Variants in NCKAP1L observed in about 807,000 individuals in gnomAD.
The protein encoded by NCKAP1L is NCK associated protein 1 like, also known as nck-associated protein 1-like.
In NCKAP1L, 53 loss-of-function variants were observed where a neutral mutation model predicts 139.2. That is an observed-to-expected ratio of 0.38 (90% CI 0.31 to 0.48). The LOEUF (loss-of-function observed/expected upper bound fraction) is 0.48. Among genes scored for constraint, NCKAP1L ranks in the 20% least tolerant of loss-of-function variants. The pLI, the probability that NCKAP1L is intolerant of heterozygous loss-of-function variation, is 0.98. For synonymous variants in NCKAP1L, 468 were observed against 499.7 expected (o/e 0.94, Z 0.85); for missense variants, 1,151 against 1,381.9 (o/e 0.83, Z 2.65).
intron 3 of NCKAP1L, among the ~76,000 whole-genome samples, chr12:54,502,644 TCATACACAGGAAATATAA>T (rs887771862): frequency 2.0e-5 from 3 of 151,682 alleles, no homozygotes; most frequent in Non-Finnish European, 4.4e-5. Flanking sequence ...ACTCAGGAAA[TCATACACAGGAAATATAA>T]CATACACAGG....
rs760038741 is a variant in NCKAP1L at position 54,535,135 on chromosome 12, C to T, written c.2894C>T (p.Ala965Val). The T allele has an allele frequency of 1.2e-6, 2 of 1,613,508 alleles. No individual in the cohort carries two copies. Among genetic ancestry groups the T allele is most frequent in the Non-Finnish European group, 1.7e-6 (2 of 1,179,676 alleles). ...TTGAGTATCTTTGAGCTGGCATCTG[C>T]TGCAGGTGTGGGCTGTGACATTGAC... is the stretch of plus-strand genomic sequence containing the variant. Reference protein sequence around the residue: ...VTLSIFELASAAGVGCDIDPA... With the variant: ...VTLSIFELASVAGVGCDIDPA... Residue 965 changes from alanine to valine, a missense_variant, in exon 27 of 31, where the codon GCT becomes GTT. Ala to Val is a moderately conservative substitution (Grantham distance 64, BLOSUM62 0). Coordinates refer to ENST00000293373, the MANE Select transcript of NCKAP1L (RefSeq NM_005337.5).
intron 28 of NCKAP1L, 86 bp downstream of exon 28, chr12:54,536,331 T>C (rs1285389391): frequency 3.0e-6 from 3 of 988,910 alleles, no homozygotes; most frequent in South Asian, 1.3e-5. Flanking sequence ...CTGGAAAATA[T>C]AGACTTCTGA....
intron 27 of NCKAP1L, among the ~76,000 whole-genome samples, chr12:54,535,804 T>G (rs1426214116): frequency 6.6e-6 from 1 of 152,166 alleles, no homozygotes; most frequent in African/African-American, 2.4e-5. Flanking sequence ...GAGAACCTTT[T>G]GTCTTCTTTC....
chr12:54,506,796 A>AAAATATATAT, intron 3 of NCKAP1L, among the ~76,000 whole-genome samples: 648 of 50,552 alleles, frequency 0.013, 17 homozygotes, highest in Middle Eastern at 0.045. Flanking sequence ...AAAAAAAAAA[A>AAAATATATAT]ATATATATAT....
intron 3 of NCKAP1L, among the ~76,000 whole-genome samples, chr12:54,506,508 C>T (rs1459654493): frequency 6.6e-6 from 1 of 151,728 alleles, no homozygotes; most frequent in Non-Finnish European, 1.5e-5. Flanking sequence ...CTTACTGCAA[C>T]CTCTGCCTCC....
chr12:54,519,429 AT>A (rs10686138), intron 16 of NCKAP1L, 97 bp downstream of exon 16: 21,900 of 499,152 alleles, frequency 0.044, 185 homozygotes, highest in African/African-American at 0.11. Flanking sequence ...ATTTTGTTTA[AT>A]TTTTTTTTTT....
chr12:54,514,090 G>T (rs1414507868), intron 9 of NCKAP1L, among the ~76,000 whole-genome samples: 2 of 151,346 alleles, frequency 1.3e-5, no homozygotes, highest in Non-Finnish European at 2.9e-5. Context: ...ATGTTCTATG[G>T]TTTGCTTAAA....
At position 54,543,795 on chromosome 12, in the gene NCKAP1L, C is replaced by A. The variant is rs1280683509; in HGVS notation, c.*1110C>A. ...AACTCCTTGGCAGGAAATAGTGGCC[C>A]CCATGCATCACTTCTGTGAATCCAC... On this transcript the variant is annotated 3_prime_UTR_variant, in exon 31 of 31. Coordinates refer to ENST00000293373, the MANE Select transcript of NCKAP1L (RefSeq NM_005337.5). 1.3e-5 allele frequency: 2 copies of A among 152,130 alleles called. No homozygotes were observed. Among genetic ancestry groups the A allele is most frequent in the Non-Finnish European group, 2.9e-5 (2 of 68,022 alleles). The allele number at this position is 152,130 out of a possible 1,614,324, so 9.4% of individuals were successfully genotyped here.
chr12:54,525,212 C>A (rs1957017250), intron 20 of NCKAP1L, among the ~76,000 whole-genome samples: 2 of 152,132 alleles, frequency 1.3e-5, no homozygotes, highest in Non-Finnish European at 2.9e-5. Flanking sequence ...AGGTTTTGTG[C>A]AAAGCTGCAA....
At position 54,542,627 on chromosome 12, in the gene NCKAP1L, C is replaced by A. The variant is rs3209081; in HGVS notation, c.3326C>A (p.Pro1109His). ...CTGGACATGCTGGAGTCCTGTTTCC[C>A]TTATGTCCTGCTTCGAAATGCCTAT... ...LTLDMLESCFPYVLLRNAYRE... is the reference protein window; with the variant it reads ...LTLDMLESCFHYVLLRNAYRE... Residue 1109 changes from proline (P) to histidine (H), a missense_variant, in exon 31 of 31, where the codon CCT becomes CAT. Transcript: ENST00000293373. 6.2e-7 allele frequency: 1 copy of A among 1,614,208 alleles called. No individual in the cohort carries two copies. The highest frequency in any genetic ancestry group is 8.5e-7 in the Non-Finnish European group (1 of 1,180,028).
intron 21 of NCKAP1L, among the ~76,000 whole-genome samples, chr12:54,527,467 AC>A: frequency 6.6e-6 from 1 of 152,200 alleles, no homozygotes; most frequent in African/African-American, 2.4e-5. Context: ...GTGAGAGAAT[AC>A]CCCTCTAAAG....
At position 54,517,607 on chromosome 12, in the gene NCKAP1L, C is replaced by T. The variant is rs746952288; in HGVS notation, c.1170C>T (p.Val390=). The T allele has an allele frequency of 6.8e-6, 11 of 1,613,908 alleles. No individual in the cohort carries two copies. The East Asian group carries it at 2.2e-4, about 33-fold the overall frequency. The part of the protein sequence containing the change: ...VTWLVRHTEN[V]TKTKTPEDYA... ...GGCTGGTTCGCCACACAGAGAATGT[C>T]ACCAAGACAAAGACACCTGAGGACT... The change falls in exon 12 of 31, where the codon GTC becomes GTT. Residue 390 remains valine (V), a synonymous_variant. Transcript: ENST00000293373.
At chr12:54,498,931 A>ATTTATTTG (rs1470632366) in intron 1 of NCKAP1L, 1 of 384,366 alleles carries the variant, frequency 2.6e-6, no homozygotes, top group Non-Finnish European at 3.5e-6. Flanking sequence ...TTATTTATTT[A>ATTTATTTG]TTTATTTATT....
At chr12:54,526,452 C>A in intron 20 of NCKAP1L, 76 bp from the exon 21 acceptor site, 1 of 1,181,836 alleles carries the variant, frequency 8.5e-7, no homozygotes, top group Non-Finnish European at 1.2e-6. Flanking sequence ...ACCTGGAACA[C>A]AATATACACT....
chr12:54,501,140 A>G (rs1956795014), intron 3 of NCKAP1L, among the ~76,000 whole-genome samples: 1 of 152,266 alleles, frequency 6.6e-6, no homozygotes, highest in South Asian at 2.1e-4. Flanking sequence ...GCCCCTTGCC[A>G]TCACAATTCT....
chr12:54,524,239 C>A (rs778111876), intron 20 of NCKAP1L, among the ~76,000 whole-genome samples: 1 of 152,166 alleles, frequency 6.6e-6, no homozygotes, highest in African/African-American at 2.4e-5. Flanking sequence ...AGTGAGCAGA[C>A]CTGTGTTGAC....
chr12:54,518,635 G>A lies in NCKAP1L; in HGVS notation c.1339-16G>A, dbSNP rs536450973. 1 of 1,611,214 alleles carries A rather than the reference G, an allele frequency of 6.2e-7. No individual in the cohort carries two copies. The highest frequency in any genetic ancestry group is 1.3e-5 in the African/African-American group (1 of 74,994). Reference sequence around the variant, plus strand: ...AACCTGTGCCCACTTGACAGTAACTGCAGCTCCTTTTTTAGAACTTGTCTG... The same window carrying A: ...AACCTGTGCCCACTTGACAGTAACTACAGCTCCTTTTTTAGAACTTGTCTG... On this transcript the variant is annotated splice_polypyrimidine_tract_variant and intron_variant, in intron 13 of 30. Transcript: ENST00000293373.
At chr12:54,503,893 G>T (rs1449952728) in intron 3 of NCKAP1L, among the ~76,000 whole-genome samples, 1 of 151,740 alleles carries the variant, frequency 6.6e-6, no homozygotes, top group Non-Finnish European at 1.5e-5. Context: ...CACCTGCCTC[G>T]GCCTCCCAAA....
intron 3 of NCKAP1L, among the ~76,000 whole-genome samples, chr12:54,501,747 C>T (rs1403930016): frequency 1.3e-5 from 2 of 152,152 alleles, no homozygotes; most frequent in South Asian, 2.1e-4. Context: ...CTCAAGCTAT[C>T]CACCCACCTC....
Sources: gnomAD v4.1 joint callset for allele counts (sites outside exome capture counted in the v4.1 genomes callset) on GRCh38, gnomAD v4.1.1 for gene constraint, MANE v1.5 for transcripts, NCBI Gene and HGNC (gene_info 2026-07-23, HGNC 2026-07-21) for gene names.